Variants in KIF26B observed in about 807,000 individuals in gnomAD.
KIF26B encodes the protein kinesin family member 26B.
In KIF26B, 63 loss-of-function variants were observed where a neutral mutation model predicts 151.2. That is an observed-to-expected ratio of 0.42 (90% CI 0.34 to 0.51). The LOEUF is 0.51. Ranked by LOEUF, KIF26B falls within the 20% of genes least tolerant of loss-of-function variation. The pLI, the probability that KIF26B is intolerant of heterozygous loss-of-function variation, is 0.07. For missense variants in KIF26B, 2,813 were observed against 2,913.6 expected (o/e 0.97, Z 0.79); for synonymous variants, 1,357 against 1,262.1 (o/e 1.08, Z -1.59).
chr1:245,548,184 A>G (rs961381067), intron 5 of KIF26B, among the ~76,000 whole-genome samples: 17 of 152,228 alleles, frequency 1.1e-4, no homozygotes, highest in African/African-American at 3.6e-4. Context: ...TTCCGTCACT[A>G]GGTTGTTAGC....
At chr1:245,261,484 TCTCTCTCTCTCTCTCTCTCCCTCC>T (rs768047634) in intron 2 of KIF26B, among the ~76,000 whole-genome samples, 7,214 of 136,248 alleles carry the variant, frequency 0.053, 223 homozygotes, top group African/African-American at 0.068. Context: ...TCTCTCTCTC[TCTCTCTCTCTCTCTCTCTCCCTCC>T]CTCCCTCCCT....
At chr1:245,349,354 G>A (rs1445246520) in intron 2 of KIF26B, among the ~76,000 whole-genome samples, 1 of 152,066 alleles carries the variant, frequency 6.6e-6, no homozygotes, top group Non-Finnish European at 1.5e-5. Context: ...TGTAATAAAA[G>A]ATCCCAGAGG....
intron 2 of KIF26B, among the ~76,000 whole-genome samples, chr1:245,233,337 C>T (rs1427953854): frequency 6.6e-6 from 1 of 152,142 alleles, no homozygotes; most frequent in African/African-American, 2.4e-5. Context: ...CACATAGACC[C>T]CAAGTTTTAG....
At chr1:245,233,688 A>G (rs938167794) in intron 2 of KIF26B, among the ~76,000 whole-genome samples, 7 of 152,156 alleles carry the variant, frequency 4.6e-5, no homozygotes, top group African/African-American at 1.7e-4. Context: ...CATATTCCAA[A>G]TCTCATGTTC....
At chr1:245,529,382 A>G (rs1661310581) in intron 4 of KIF26B, among the ~76,000 whole-genome samples, 1 of 152,204 alleles carries the variant, frequency 6.6e-6, no homozygotes, top group Non-Finnish European at 1.5e-5. Flanking sequence ...AAATACACTT[A>G]TCAGAAACAG....
At position 245,174,745 on chromosome 1, in the gene KIF26B, A is replaced by T. The variant is rs184048432; in HGVS notation, c.465+18062A>T. 3.0e-3 allele frequency among the ~76,000 whole-genome samples: 450 copies of T among 152,264 alleles called. 2 individuals carry two copies. Among genetic ancestry groups the T allele is most frequent in the African/African-American group, 0.01 (430 of 41,558 alleles). ...AGGCTCTGGACGCTTGATGAGTGTCACCAGTGAGCTTAGGACAGAGCTGAC... is the reference window on the plus strand; with the variant it reads ...AGGCTCTGGACGCTTGATGAGTGTCTCCAGTGAGCTTAGGACAGAGCTGAC... On this transcript the variant is annotated intron_variant, in intron 2 of 14. Coordinates refer to ENST00000407071, the MANE Select transcript of KIF26B (RefSeq NM_018012.4).
At chr1:245,309,385 T>A (rs1353818491) in intron 2 of KIF26B, among the ~76,000 whole-genome samples, 1 of 152,134 alleles carries the variant, frequency 6.6e-6, no homozygotes, top group South Asian at 2.1e-4. Flanking sequence ...GTGAGTCAGA[T>A]GGAAGTCCTC....
At chr1:245,585,071 G>A (rs965627696) in intron 5 of KIF26B, among the ~76,000 whole-genome samples, 1 of 152,138 alleles carries the variant, frequency 6.6e-6, no homozygotes, top group Non-Finnish European at 1.5e-5. Context: ...CTGAGCAGTG[G>A]GTCTCAAGTG....
chr1:245,501,217 C>T (rs1304813605), intron 4 of KIF26B, among the ~76,000 whole-genome samples: 1 of 152,198 alleles, frequency 6.6e-6, no homozygotes, highest in Non-Finnish European at 1.5e-5. Flanking sequence ...CAGATCTTGG[C>T]CTTGCCACTT....
At chr1:245,270,930 T>G (rs970971710) in intron 2 of KIF26B, among the ~76,000 whole-genome samples, 3 of 152,222 alleles carry the variant, frequency 2.0e-5, no homozygotes, top group Non-Finnish European at 4.4e-5. Flanking sequence ...GAGTTGAGGT[T>G]TATGTATGCG....
chr1:245,649,704 A>C (rs2043994136), intron 10 of KIF26B, among the ~76,000 whole-genome samples: 1 of 148,402 alleles, frequency 6.7e-6, no homozygotes. Flanking sequence ...AAACACAGAC[A>C]CCCCACTACC....
At chr1:245,641,083 A>G (rs919527298) in intron 9 of KIF26B, among the ~76,000 whole-genome samples, 1 of 152,170 alleles carries the variant, frequency 6.6e-6, no homozygotes, top group Non-Finnish European at 1.5e-5. Context: ...ATTTCTGAGG[A>G]ATAACTGCTT....
chr1:245,372,501 C>T (rs527384376), intron 3 of KIF26B, among the ~76,000 whole-genome samples: 13 of 152,074 alleles, frequency 8.5e-5, no homozygotes, highest in Non-Finnish European at 1.6e-4. Flanking sequence ...GGTGGTTTTC[C>T]GATCCTCACC....
At chr1:245,613,697 A>C (rs1325935154) in intron 9 of KIF26B, among the ~76,000 whole-genome samples, 1 of 152,084 alleles carries the variant, frequency 6.6e-6, no homozygotes, top group Non-Finnish European at 1.5e-5. Flanking sequence ...GGACAACAGT[A>C]CTCCTGGGGA....
At chr1:245,293,628 G>A (rs1283972594) in intron 2 of KIF26B, among the ~76,000 whole-genome samples, 1 of 150,914 alleles carries the variant, frequency 6.6e-6, no homozygotes, top group Non-Finnish European at 1.5e-5. Flanking sequence ...GCCTAGGCTG[G>A]AGTGCAATGG....
chr1:245,344,081 C>A (rs427661), intron 2 of KIF26B, among the ~76,000 whole-genome samples: 12 of 138,580 alleles, frequency 8.7e-5, no homozygotes, highest in African/African-American at 4.0e-4. Context: ...CCCTGCCTCG[C>A]TGCCTCCCTC....
intron 10 of KIF26B, among the ~76,000 whole-genome samples, chr1:245,671,366 C>A (rs2044283224): frequency 6.6e-6 from 1 of 152,182 alleles, no homozygotes; most frequent in Admixed American, 6.5e-5. Context: ...TGTTGAGTAA[C>A]ATAAGCCACA....
chr1:245,655,500 G>A (rs144077811), intron 10 of KIF26B, among the ~76,000 whole-genome samples: 206 of 152,320 alleles, frequency 1.4e-3, no homozygotes, highest in African/African-American at 4.8e-3. Context: ...CTAACACACA[G>A]CATGGCTGCC....
chr1:245,288,574 T>A (rs568479968), intron 2 of KIF26B, among the ~76,000 whole-genome samples: 1 of 152,282 alleles, frequency 6.6e-6, no homozygotes, highest in African/African-American at 2.4e-5. Context: ...CTTGCCTGAC[T>A]GTGGTGGGCC....
Sources: gnomAD v4.1 joint callset for allele counts (sites outside exome capture counted in the v4.1 genomes callset) on GRCh38, gnomAD v4.1.1 for gene constraint, MANE v1.5 for transcripts, NCBI Gene and HGNC (gene_info 2026-07-23, HGNC 2026-07-21) for gene names.